The following LONP2 variants were observed in gnomAD, a reference collection of about 807,000 sequenced individuals.
LONP2 encodes lon protease homolog 2, peroxisomal.
In LONP2, 60 loss-of-function variants were observed where a neutral mutation model predicts 85.6. The ratio of observed to expected loss-of-function variants is 0.70; its 90% confidence interval spans 0.57 to 0.87. The LOEUF is 0.87. Ranked by LOEUF, LONP2 falls within the 40% of genes least tolerant of loss-of-function variation. LONP2 has a pLI of 0.00. For missense variants in LONP2, 860 were observed against 1,063.5 expected (o/e 0.81, Z 2.66); for synonymous variants, 395 against 389.7 (o/e 1.01, Z -0.16).
chr16:48,277,894 T>C (rs1314067434), intron 8 of LONP2, among the ~76,000 whole-genome samples: 1 of 142,428 alleles, frequency 7.0e-6, no homozygotes, highest in East Asian at 2.0e-4. Context: ...ACTTCCTGAT[T>C]TTTTTTTTTT....
chr16:48,311,615 G>C (rs1029098930), intron 11 of LONP2, among the ~76,000 whole-genome samples: 1 of 151,560 alleles, frequency 6.6e-6, no homozygotes, highest in Non-Finnish European at 1.5e-5. Flanking sequence ...CTTGTATCTT[G>C]TTGAGCTACT....
intron 7 of LONP2, 142 bp from the exon 8 acceptor site, chr16:48,277,196 C>A: frequency 1.6e-6 from 1 of 625,292 alleles, no homozygotes; most frequent in Non-Finnish European, 2.6e-6. Context: ...TATCATAGTG[C>A]CTTTTAAATA....
chr16:48,295,974 G>A, intron 8 of LONP2, 41 bp from the exon 9 acceptor site: 1 of 1,600,656 alleles, frequency 6.2e-7, no homozygotes, highest in East Asian at 2.2e-5. Flanking sequence ...CCTTCTGTTG[G>A]CACTACTAAA....
chr16:48,313,057 T>A (rs1266187117), intron 11 of LONP2, among the ~76,000 whole-genome samples: 1 of 152,188 alleles, frequency 6.6e-6, no homozygotes, highest in African/African-American at 2.4e-5. Flanking sequence ...TCTTAGATAA[T>A]CTTGGTATCT....
intron 12 of LONP2, chr16:48,334,777 G>A: frequency 1.8e-6 from 1 of 553,244 alleles, no homozygotes; most frequent in Non-Finnish European, 3.6e-6. Flanking sequence ...TTTTGGCTTT[G>A]ACATTCTCAG....
At chr16:48,264,523 C>T (rs188126830) in intron 6 of LONP2, among the ~76,000 whole-genome samples, 21 of 152,308 alleles carry the variant, frequency 1.4e-4, no homozygotes, top group South Asian at 6.2e-4. Flanking sequence ...TCTTTTTCCA[C>T]GGTGCTCAGA....
intron 11 of LONP2, among the ~76,000 whole-genome samples, chr16:48,332,528 ATG>A (rs1959487785): frequency 1.3e-5 from 2 of 152,172 alleles, no homozygotes; most frequent in African/African-American, 4.8e-5. Flanking sequence ...CCTGGCCAAC[ATG>A]CTGAAACCCC....
At chr16:48,279,295 T>A (rs1335253405) in intron 8 of LONP2, among the ~76,000 whole-genome samples, 1 of 152,172 alleles carries the variant, frequency 6.6e-6, no homozygotes, top group African/African-American at 2.4e-5. Context: ...GCTATGAGCA[T>A]AGGAGTGGGG....
chr16:48,318,417 G>A (rs1596980125), intron 11 of LONP2, among the ~76,000 whole-genome samples: 1 of 152,050 alleles, frequency 6.6e-6, no homozygotes, highest in African/African-American at 2.4e-5. Context: ...TACTTGGGAG[G>A]CTGAGATGGG....
rs1973123931 is a variant in LONP2, at chr16:48,315,584, A to T, written c.1795+12279A>T. The stretch of plus-strand genomic sequence containing the variant: ...AGAGCAACTTGTTACTTCATGGCCT[A>T]CTGACCTCTTAAAAGTCTCACTACT... On this transcript the variant is annotated intron_variant, in intron 11 of 14. Coordinates refer to ENST00000285737, the MANE Select transcript of LONP2 (RefSeq NM_031490.5). Among the ~76,000 whole-genome samples, 3 of 152,206 alleles carry T rather than the reference A, an allele frequency of 2.0e-5. No homozygotes were observed. In the South Asian group the frequency reaches 6.2e-4, roughly 31 times the overall value.
chr16:48,318,709 AGAG>A (rs2151013539), intron 11 of LONP2, among the ~76,000 whole-genome samples: 1 of 152,316 alleles, frequency 6.6e-6, no homozygotes, highest in South Asian at 2.1e-4. Context: ...AGAGTGTCAC[AGAG>A]GAGAGCCACA....
At chr16:48,361,911 G>A, downstream of LONP2, 1 of 1,614,134 alleles carries the variant, frequency 6.2e-7, no homozygotes, top group Non-Finnish European at 8.5e-7. Context: ...AACAGCACCA[G>A]GAAGATTAAT....
chr16:48,303,809 TTCG>T (rs1972857908), intron 11 of LONP2, among the ~76,000 whole-genome samples: 1 of 152,172 alleles, frequency 6.6e-6, no homozygotes, highest in Non-Finnish European at 1.5e-5. Flanking sequence ...GTTGAAGAAC[TTCG>T]AGTCCAATAT....
chr16:48,351,710 A>C lies in LONP2; in HGVS notation c.2467A>C (p.Thr823Pro). Reference sequence around the variant, plus strand: ...CGTACGACAGGATTTAAGTTTTGTCACAGCAAGCTGCCTGGATGAGGTTCT... The same window carrying C: ...CGTACGACAGGATTTAAGTTTTGTCCCAGCAAGCTGCCTGGATGAGGTTCT... The part of the protein sequence containing the change: ...GNVRQDLSFV[T>P]ASCLDEVLNA... Residue 823 changes from threonine to proline, a missense_variant, in exon 15 of 15, where the codon ACA (threonine) becomes CCA (proline). Transcript: ENST00000285737. 6.2e-7 allele frequency: 1 copy of C among 1,614,182 alleles called. No individual in the cohort carries two copies. The highest frequency in any genetic ancestry group is 8.5e-7 in the Non-Finnish European group (1 of 1,180,026).
chr16:48,274,177 T>G (rs1972158571), intron 7 of LONP2, among the ~76,000 whole-genome samples: 1 of 152,182 alleles, frequency 6.6e-6, no homozygotes, highest in Non-Finnish European at 1.5e-5. Context: ...CCTCCATTAA[T>G]GTAAGTGCAG....
chr16:48,280,407 A>G (rs970813167), intron 8 of LONP2, among the ~76,000 whole-genome samples: 1 of 152,194 alleles, frequency 6.6e-6, no homozygotes, highest in African/African-American at 2.4e-5. Context: ...TCCCCTGTTT[A>G]TTTGTTCAGT....
At chr16:48,294,231 G>T (rs753990423) in intron 8 of LONP2, among the ~76,000 whole-genome samples, 1 of 152,076 alleles carries the variant, frequency 6.6e-6, no homozygotes, top group Non-Finnish European at 1.5e-5. Flanking sequence ...GTGAGCCACC[G>T]TGCCCGGCCT....
At chr16:48,282,321 G>C (rs1424696564) in intron 8 of LONP2, among the ~76,000 whole-genome samples, 1 of 149,518 alleles carries the variant, frequency 6.7e-6, no homozygotes, top group African/African-American at 2.5e-5. Context: ...TGAGGCATGA[G>C]AATAGCTTGA....
intron 11 of LONP2, among the ~76,000 whole-genome samples, chr16:48,316,472 G>T (rs572722560): frequency 6.7e-6 from 1 of 149,804 alleles, no homozygotes; most frequent in Non-Finnish European, 1.5e-5. Flanking sequence ...GATTACAGGC[G>T]CCCGCCACCA....
Sources: gnomAD v4.1 joint callset for allele counts (sites outside exome capture counted in the v4.1 genomes callset) on GRCh38, gnomAD v4.1.1 for gene constraint, MANE v1.5 for transcripts, NCBI Gene and HGNC (gene_info 2026-07-23, HGNC 2026-07-21) for gene names.